SDK2: variants seen among roughly 807,000 people sequenced by gnomAD.
SDK2 encodes the protein protein sidekick-2.
Under a neutral mutation model 253.9 loss-of-function variants are expected in SDK2, and 105 were observed. The ratio of observed to expected loss-of-function variants is 0.41; its 90% CI spans 0.35 to 0.49. SDK2 has a LOEUF of 0.49. Ranked by LOEUF, SDK2 falls within the 20% of genes least tolerant of loss-of-function variation. SDK2 has a pLI of 0.06. For missense variants in SDK2, 2,608 were observed against 3,003.0 expected (o/e 0.87, Z 3.07); for synonymous variants, 1,249 against 1,234.9 (o/e 1.01, Z -0.24).
intron 4 of SDK2, among the ~76,000 whole-genome samples, chr17:73,450,560 C>T (rs1006615634): frequency 6.6e-6 from 1 of 152,174 alleles, no homozygotes; most frequent in Non-Finnish European, 1.5e-5. Flanking sequence ...ACAGCTTGGC[C>T]CACGTTCCAG....
At chr17:73,433,166 T>C (rs2063341071) in intron 10 of SDK2, among the ~76,000 whole-genome samples, 1 of 152,148 alleles carries the variant, frequency 6.6e-6, no homozygotes, top group Non-Finnish European at 1.5e-5. Context: ...TATATTATTG[T>C]CACCAGTTTA....
Position 73,556,100 on chromosome 17 carries a change from G to A in SDK2, c.65-48503C>T, listed in dbSNP as rs551860891. On this transcript the variant is annotated intron_variant, in intron 1 of 44. Coordinates refer to ENST00000392650, the MANE Select transcript of SDK2 (RefSeq NM_001144952.2). ...AGTTGGCAAAGTGATGGCACTCAGT[G>A]GAAGTCACTGCCAGGAAACGACACA... Among the ~76,000 whole-genome samples, 145 of 152,250 alleles carry A rather than the reference G, an allele frequency of 9.5e-4. 1 individual carries two copies. Among genetic ancestry groups the A allele is most frequent in the African/African-American group, 3.3e-3 (136 of 41,542 alleles).
intron 1 of SDK2, among the ~76,000 whole-genome samples, chr17:73,605,522 T>G (rs925849218): frequency 1.9e-4 from 29 of 151,030 alleles, no homozygotes; most frequent in African/African-American, 6.6e-4. Context: ...GAGGAGGGAG[T>G]GGAGAGGGTG....
Position 73,466,724 on chromosome 17 carries a change from C to G in SDK2, c.331+5388G>C, listed in dbSNP as rs541364403. On this transcript the variant is annotated intron_variant, in intron 3 of 44. Coordinates refer to ENST00000392650, the MANE Select transcript of SDK2 (RefSeq NM_001144952.2). ...GGAGGCTCTGGGGAACGCCCCCCCC[C>G]CCCGGCTTAGGCTCTGCATCTTTGG... is the stretch of plus-strand genomic sequence containing the variant. 4.0e-3 allele frequency among the ~76,000 whole-genome samples: 569 copies of G among 142,688 alleles called. 49 individuals carry two copies. The highest frequency in any genetic ancestry group is 6.0e-3 in the Non-Finnish European group (373 of 62,630). 93.6% of individuals were successfully genotyped at this position (142,688 alleles called of 152,430 possible).
intron 42 of SDK2, 88 bp downstream of exon 42, chr17:73,350,562 G>A (rs1271328147): frequency 2.0e-6 from 3 of 1,464,048 alleles, no homozygotes; most frequent in Non-Finnish European, 2.8e-6. Flanking sequence ...CAGGAGCCAG[G>A]AGAGGGACCT....
At chr17:73,400,671 TG>T (rs1424572747) in intron 21 of SDK2, among the ~76,000 whole-genome samples, 2 of 151,826 alleles carry the variant, frequency 1.3e-5, no homozygotes, top group Non-Finnish European at 2.9e-5. Context: ...TTTTTTTTTT[TG>T]AGACGCGATG....
chr17:73,362,500 G>C (rs12449976), intron 38 of SDK2, among the ~76,000 whole-genome samples: 90,999 of 151,054 alleles, frequency 0.6, 27,977 homozygotes, highest in East Asian at 0.97. Flanking sequence ...AAGCCGTCCT[G>C]CCACTTTCAG....
chr17:73,370,015 T>G (rs540953959), intron 36 of SDK2, among the ~76,000 whole-genome samples: 2 of 152,134 alleles, frequency 1.3e-5, no homozygotes, highest in South Asian at 2.1e-4. Context: ...GCCATCCAGA[T>G]AGCGGCCAGC....
Position 73,626,308 on chromosome 17 carries a change from AG to A in SDK2, c.64+17716del, listed in dbSNP as rs533985148. Among the ~76,000 whole-genome samples, 7 of 152,302 alleles carry A rather than the reference AG, an allele frequency of 4.6e-5. No individual in the cohort carries two copies. In the East Asian group the frequency reaches 1.2e-3, roughly 25 times the overall value. ...GGCCGGGGCTCGGGAGGGGGAGGAC[AG>A]GGGCCAGTTGTCTTCAGGGCCCTGG... On this transcript the variant is annotated intron_variant, in intron 1 of 44. Transcript: ENST00000392650.
chr17:73,569,788 G>C (rs2045358311), intron 1 of SDK2, among the ~76,000 whole-genome samples: 2 of 152,096 alleles, frequency 1.3e-5, no homozygotes, highest in Non-Finnish European at 2.9e-5. Flanking sequence ...GATGGGCGAT[G>C]AGAACCCCCG....
At chr17:73,614,112 C>G (rs906413500) in intron 1 of SDK2, among the ~76,000 whole-genome samples, 1 of 152,100 alleles carries the variant, frequency 6.6e-6, no homozygotes, top group Non-Finnish European at 1.5e-5. Context: ...CGCTCCCTCC[C>G]CCTCCCCTCC....
At chr17:73,479,746 A>G (rs1167570101) in intron 2 of SDK2, among the ~76,000 whole-genome samples, 2 of 152,220 alleles carry the variant, frequency 1.3e-5, no homozygotes, top group African/African-American at 4.8e-5. Flanking sequence ...CCTGGAGTGC[A>G]ATGGCACAAT....
At chr17:73,478,259 A>G (rs748905737) in intron 2 of SDK2, among the ~76,000 whole-genome samples, 18 of 152,218 alleles carry the variant, frequency 1.2e-4, no homozygotes, top group Non-Finnish European at 2.5e-4. Flanking sequence ...GTGACAATGT[A>G]TCTCAAAAAT....
chr17:73,388,199 G>C (rs775054334), intron 29 of SDK2, among the ~76,000 whole-genome samples, 162 bp from the exon 30 acceptor site: 17 of 152,110 alleles, frequency 1.1e-4, no homozygotes, highest in Non-Finnish European at 2.4e-4. Context: ...TCTCACACCT[G>C]GGTACAGCCA....
Position 73,348,579 on chromosome 17 carries a change from C to T in SDK2, c.6165+20G>A. Reference sequence around the variant, plus strand: ...GCTGCTCCCTGCCCCCTGCAGGACACCTGGCCCTCCTGCCCTCACCTGAGA... The same window carrying T: ...GCTGCTCCCTGCCCCCTGCAGGACATCTGGCCCTCCTGCCCTCACCTGAGA... On this transcript the variant is annotated intron_variant, in intron 44 of 44. Transcript: ENST00000392650. 6.2e-7 allele frequency: 1 copy of T among 1,610,358 alleles called. No homozygotes were observed. Among genetic ancestry groups the T allele is most frequent in the South Asian group, 1.1e-5 (1 of 90,664 alleles).
chr17:73,597,003 C>A (rs1156789338), intron 1 of SDK2, among the ~76,000 whole-genome samples: 1 of 152,236 alleles, frequency 6.6e-6, no homozygotes, highest in Non-Finnish European at 1.5e-5. Flanking sequence ...GGAATCGTCT[C>A]CTCACTTCAG....
At chr17:73,603,966 G>A (rs2045874595) in intron 1 of SDK2, among the ~76,000 whole-genome samples, 1 of 152,238 alleles carries the variant, frequency 6.6e-6, no homozygotes, top group Admixed American at 6.5e-5. Context: ...TGGGGAGAGA[G>A]GGGGAAGCGC....
intron 1 of SDK2, among the ~76,000 whole-genome samples, chr17:73,549,022 C>A (rs1249728100): frequency 6.6e-6 from 1 of 152,244 alleles, no homozygotes; most frequent in East Asian, 1.9e-4. Context: ...ACGTCAAGGA[C>A]TCCTGTCCAA....
chr17:73,494,908 T>A (rs540670873), intron 2 of SDK2, among the ~76,000 whole-genome samples: 1 of 152,208 alleles, frequency 6.6e-6, no homozygotes, highest in Non-Finnish European at 1.5e-5. Flanking sequence ...CCACCCCATG[T>A]CCTCTGGCAC....
Sources: gnomAD v4.1 joint callset for allele counts (sites outside exome capture counted in the v4.1 genomes callset) on GRCh38, gnomAD v4.1.1 for gene constraint, MANE v1.5 for transcripts, NCBI Gene and HGNC (gene_info 2026-07-23, HGNC 2026-07-21) for gene names.